PRKAG3: variants seen among roughly 807,000 people sequenced by gnomAD.
PRKAG3 encodes the protein 5'-AMP-activated protein kinase subunit gamma-3.
Under a neutral mutation model 56.5 loss-of-function variants are expected in PRKAG3, and 39 were observed. That is an observed-to-expected ratio of 0.69 (90% CI 0.53 to 0.90). PRKAG3 has a LOEUF of 0.90. PRKAG3 is among the 40% of genes least tolerant of loss of function. The pLI, the probability that PRKAG3 is intolerant of heterozygous loss-of-function variation, is 0.00. For missense variants in PRKAG3, 628 were observed against 627.5 expected, an observed-to-expected ratio of 1.00 and a Z score of -0.01; for synonymous variants, 243 against 250.1, an observed-to-expected ratio of 0.97 and a Z score of 0.27.
Position 218,827,292 on chromosome 2 carries a change from G to T in PRKAG3, c.957C>A (p.Leu319=), listed in dbSNP as rs1254133198. 2 of 1,614,202 alleles carry T rather than the reference G, an allele frequency of 1.2e-6. No homozygotes were observed. Among genetic ancestry groups the T allele is most frequent in the South Asian group, 2.2e-5 (2 of 91,078 alleles). The stretch of plus-strand genomic sequence containing the variant: ...GCAGGCGTTTGTGTGTGAGGATGTG[G>T]AGTACGTTGCCTGACACCGGGTCAA... Residue 319 remains leucine, a synonymous_variant, in exon 9 of 13, where the codon CTC becomes CTA. Coordinates refer to ENST00000529249, the Ensembl canonical transcript of PRKAG3. This position sits in a 1 kb window ranked among gnomAD's most constrained non-coding sequence, Gnocchi z 5.3.
downstream of PRKAG3, chr2:218,822,873 C>T (rs1943874965): frequency 3.0e-6 from 3 of 985,084 alleles, no homozygotes; most frequent in Non-Finnish European, 2.4e-6. Context: ...CCACTGGGGC[C>T]ATCCGACCCA....
intron 2 of PRKAG3, 83 bp downstream of exon 2, chr2:218,831,253 G>T: frequency 9.3e-7 from 1 of 1,077,096 alleles, no homozygotes. Context: ...AGCCAGGCTG[G>T]GAGGGAATTG....
At chr2:218,830,373 A>C in exon 4 of PRKAG3, 1 of 1,607,282 alleles carries the variant, frequency 6.2e-7, no homozygotes, top group Non-Finnish European at 8.5e-7. Context: ...GCTGGCCTGG[A>C]CCGGGGACCT....
chr2:218,822,385 A>G (rs1481241176), downstream of PRKAG3: 1 of 152,266 alleles, frequency 6.6e-6, no homozygotes, highest in East Asian at 1.9e-4. Context: ...GCTACATTGC[A>G]AGAGAAACGG....
chr2:218,828,568 G>A (rs200735141), exon 5 of PRKAG3: 41 of 1,613,622 alleles, frequency 2.5e-5, no homozygotes, highest in South Asian at 6.6e-5. Context: ...CCCGCACACC[G>A]TTGGCCACCA....
downstream of PRKAG3, chr2:218,822,471 C>CA (rs938776138): frequency 6.6e-6 from 1 of 152,172 alleles, no homozygotes; most frequent in Admixed American, 6.5e-5. Flanking sequence ...AAGTTCAGGT[C>CA]AAATGACTGC....
At chr2:218,829,265 A>G (rs1943982865) in intron 4 of PRKAG3, among the ~76,000 whole-genome samples, 1 of 151,956 alleles carries the variant, frequency 6.6e-6, no homozygotes, top group African/African-American at 2.4e-5. Flanking sequence ...GCCAGAGCTC[A>G]TTATTTTTTC....
chr2:218,830,829 A>G, exon 3 of PRKAG3: 1 of 1,613,650 alleles, frequency 6.2e-7, no homozygotes, highest in Non-Finnish European at 8.5e-7. Flanking sequence ...TTTCCCACGG[A>G]TTCTTTCTGA....
At chr2:218,823,713 A>G in exon 13 of PRKAG3, 2 of 1,612,360 alleles carry the variant, frequency 1.2e-6, no homozygotes, top group East Asian at 2.2e-5. Flanking sequence ...AGTTCCCTTC[A>G]TTGGCTTCCA....
intron 2 of PRKAG3, among the ~76,000 whole-genome samples, 153 bp from the exon 3 acceptor site, chr2:218,831,054 G>A (rs928874315): frequency 6.6e-6 from 1 of 152,172 alleles, no homozygotes; most frequent in Non-Finnish European, 1.5e-5. Context: ...TATAAAGCAG[G>A]CATTATTATC....
In PRKAG3 at chr2:218,831,393, T is replaced by C. The variant is rs929963388; in HGVS notation, c.34-18A>G. On this transcript the variant is annotated intron_variant, in intron 1 of 12. Transcript: ENST00000529249. Reference sequence around the variant, plus strand: ...GAAGGGGTCTGTGGGGAGAAGAGTTTCTGAAGGAGTGGGGAAAGTGCCTTA... The same window carrying C: ...GAAGGGGTCTGTGGGGAGAAGAGTTCCTGAAGGAGTGGGGAAAGTGCCTTA... 34 of 1,593,264 alleles carry C rather than the reference T, an allele frequency of 2.1e-5. No homozygotes were observed. The highest frequency in any genetic ancestry group is 2.8e-5 in the Non-Finnish European group (33 of 1,169,718).
intron 3 of PRKAG3, 117 bp from the exon 4 acceptor site, chr2:218,830,498 T>G: frequency 7.3e-7 from 1 of 1,374,474 alleles, no homozygotes. Context: ...TGGCCCTATT[T>G]GCAGGTGAGG....
exon 4 of PRKAG3, chr2:218,830,272 C>T (rs748673837): frequency 3.7e-6 from 6 of 1,613,674 alleles, no homozygotes; most frequent in South Asian, 1.1e-5. Flanking sequence ...GGCAGTCCCA[C>T]CCTGTTGGTG....
chr2:218,828,006 G>A (rs996368287), exon 6 of PRKAG3: 1 of 1,572,376 alleles, frequency 6.4e-7, no homozygotes, highest in Non-Finnish European at 8.6e-7. Flanking sequence ...CTCCTCACCA[G>A]GGGGGACCTG....
At chr2:218,830,715 C>A in intron 3 of PRKAG3, 31 bp downstream of exon 3, 1 of 1,605,558 alleles carries the variant, frequency 6.2e-7, no homozygotes, top group Non-Finnish European at 8.5e-7. Flanking sequence ...TCCCCTGGCT[C>A]CCACCTCCCC....
exon 4 of PRKAG3, chr2:218,830,185 T>C: frequency 6.2e-7 from 1 of 1,614,178 alleles, no homozygotes; most frequent in Non-Finnish European, 8.5e-7. Flanking sequence ...CCCAGGCCTC[T>C]GTGGCTGGGA....
chr2:218,826,483 G>T (rs13433057), intron 10 of PRKAG3, among the ~76,000 whole-genome samples: 1,760 of 152,168 alleles, frequency 0.012, 42 homozygotes, highest in African/African-American at 0.04. Flanking sequence ...TAGAGACAGG[G>T]TCTTGCTCTG....
chr2:218,824,209 G>T lies in PRKAG3; in HGVS notation c.1353+13C>A. 1 of 1,614,088 alleles carries T rather than the reference G, an allele frequency of 6.2e-7. No homozygotes were observed. The highest frequency in any genetic ancestry group is 8.5e-7 in the Non-Finnish European group (1 of 1,180,002). ...TATATGTGTTGGGGGCATGAATGGA[G>T]GGCACACGGTACCTGCTCCCGAGCA... On this transcript the variant is annotated intron_variant, in intron 12 of 12. Transcript: ENST00000529249.
chr2:218,830,609 G>A lies in PRKAG3; in HGVS notation c.229+137C>T, dbSNP rs559805379. 2.1e-5 allele frequency: 25 copies of A among 1,210,080 alleles called. No homozygotes were observed. The Admixed American group carries it at 6.4e-4, about 31-fold the overall frequency. 75.0% of individuals were successfully genotyped at this position (1,210,080 alleles called of 1,614,324 possible). ...CAGTGCCTTGTTCTCTACTATGTAGGGAGACTGAGGCCACAAGATGAAGGT... is the reference window on the plus strand; with the variant it reads ...CAGTGCCTTGTTCTCTACTATGTAGAGAGACTGAGGCCACAAGATGAAGGT... On this transcript the variant is annotated intron_variant, in intron 3 of 12. Coordinates refer to ENST00000529249, the Ensembl canonical transcript of PRKAG3.
Sources: allele counts gnomAD v4.1 joint callset (sites outside exome capture counted in the v4.1 genomes callset), GRCh38; gene constraint gnomAD v4.1.1; non-coding constraint Gnocchi (gnomAD v3.1); transcripts MANE v1.5; gene names NCBI Gene and HGNC (gene_info 2026-07-23, HGNC 2026-07-21).